The following PDE8A variants were observed in gnomAD, a reference collection of about 807,000 sequenced individuals.
The protein encoded by PDE8A is high affinity cAMP-specific and IBMX-insensitive 3',5'-cyclic phosphodiesterase 8A.
A neutral mutation model predicts 105.0 loss-of-function variants in PDE8A; 59 were observed. The ratio of observed to expected loss-of-function variants is 0.56; its 90% confidence interval spans 0.46 to 0.70. The LOEUF (loss-of-function observed/expected upper bound fraction) is 0.70. Among genes scored for constraint, PDE8A ranks in the 30% least tolerant of loss-of-function variants. The probability of loss-of-function intolerance (pLI) is 0.00; values close to 1 mark genes in which losing one functional copy is unlikely to be tolerated. For synonymous variants in PDE8A, 355 were observed against 371.9 expected (o/e 0.95, Z 0.52); for missense variants, 1,014 against 1,045.9 (o/e 0.97, Z 0.42).
Position 85,083,577 on chromosome 15 carries a change from A to G in PDE8A, c.568A>G (p.Ile190Val). The stretch of plus-strand genomic sequence containing the variant: ...GTAGAGGTATGTAGAAAACCCCAAC[A>G]TCATGGCCTGCTACAATGAACTGCT... ...FTRRYVENPN[I>V]MACYNELLQL... The change falls in exon 6 of 22, where the codon ATC becomes GTC. Residue 190 changes from isoleucine (I) to valine (V), a missense_variant. Transcript: ENST00000394553. 2 of 1,612,912 alleles carry G rather than the reference A, an allele frequency of 1.2e-6. No individual in the cohort carries two copies. Among genetic ancestry groups the G allele is most frequent in the African/African-American group, 1.3e-5 (1 of 75,042 alleles).
intron 3 of PDE8A, among the ~76,000 whole-genome samples, chr15:85,075,078 G>A: frequency 6.6e-6 from 1 of 152,170 alleles, no homozygotes; most frequent in Non-Finnish European, 1.5e-5. Context: ...CAAAGCTGTT[G>A]CATATCTCCA....
intron 14 of PDE8A, among the ~76,000 whole-genome samples, 175 bp downstream of exon 14, chr15:85,114,212 T>TG (rs1367374527): frequency 2.9e-4 from 44 of 152,188 alleles, no homozygotes; most frequent in African/African-American, 1.1e-3. Context: ...AGCACCCACC[T>TG]GCTGCCTGCC....
At chr15:85,091,877 T>G (rs1353422175) in intron 8 of PDE8A, among the ~76,000 whole-genome samples, 2 of 148,334 alleles carry the variant, frequency 1.3e-5, no homozygotes, top group Non-Finnish European at 3.0e-5. Context: ...CTTTTCACAA[T>G]CATTCATGGT....
Position 85,032,810 on chromosome 15 carries a change from T to A in PDE8A, c.187-31560T>A, listed in dbSNP as rs559055185. On this transcript the variant is annotated intron_variant, in intron 1 of 21. Coordinates refer to ENST00000394553, the MANE Select transcript of PDE8A (RefSeq NM_002605.3). Reference sequence around the variant, plus strand: ...AATATGTGCTTATGTTAATAAGGATTACTTTAGGGTAATGAGATTTCGGGT... The same window carrying A: ...AATATGTGCTTATGTTAATAAGGATAACTTTAGGGTAATGAGATTTCGGGT... Among the ~76,000 whole-genome samples, 3 of 152,354 alleles carry A rather than the reference T, an allele frequency of 2.0e-5. No homozygotes were observed. In the South Asian group the frequency reaches 6.2e-4, roughly 32 times the overall value.
chr15:85,127,385 CT>C (rs1054985163), intron 20 of PDE8A, among the ~76,000 whole-genome samples: 2 of 152,152 alleles, frequency 1.3e-5, no homozygotes, highest in Admixed American at 6.5e-5. Context: ...ACATTTGCTT[CT>C]GTTTGCAGAT....
At chr15:85,002,074 C>T (rs1024372975) in intron 1 of PDE8A, among the ~76,000 whole-genome samples, 1 of 151,990 alleles carries the variant, frequency 6.6e-6, no homozygotes, top group Non-Finnish European at 1.5e-5. Context: ...AAAAAACTCC[C>T]ACACACGTAA....
At chr15:85,017,317 T>C (rs1408470770) in intron 1 of PDE8A, among the ~76,000 whole-genome samples, 2 of 152,132 alleles carry the variant, frequency 1.3e-5, no homozygotes, top group Non-Finnish European at 2.9e-5. Context: ...GTTTCTTATA[T>C]AGCCTGCTAA....
At chr15:84,998,887 A>G (rs1467639565) in intron 1 of PDE8A, among the ~76,000 whole-genome samples, 1 of 152,194 alleles carries the variant, frequency 6.6e-6, no homozygotes, top group Non-Finnish European at 1.5e-5. Context: ...CTATGGAGAT[A>G]ATTGATAGTT....
At chr15:85,125,967 CCAACCCCTAGTG>C (rs1313586021) in intron 19 of PDE8A, among the ~76,000 whole-genome samples, 3 of 152,072 alleles carry the variant, frequency 2.0e-5, no homozygotes, top group African/African-American at 4.8e-5. Context: ...GGCAGATATA[CCAACCCCTAGTG>C]CTACCCTCCA....
chr15:84,988,331 G>C lies in PDE8A; in HGVS notation c.186+5983G>C, dbSNP rs559823264. Among the ~76,000 whole-genome samples, 11 of 152,314 alleles carry C rather than the reference G, an allele frequency of 7.2e-5. No individual in the cohort carries two copies. The East Asian group carries it at 2.1e-3, about 29-fold the overall frequency. On this transcript the variant is annotated intron_variant, in intron 1 of 21. Coordinates refer to ENST00000394553, the MANE Select transcript of PDE8A (RefSeq NM_002605.3). ...ATTTCACAGGACAACTGGGTTTTAA[G>C]CAGGCATCTTGAATCTGCATTATCA... is the stretch of plus-strand genomic sequence containing the variant.
At chr15:85,080,012 A>G (rs1410236515) in intron 5 of PDE8A, among the ~76,000 whole-genome samples, 6 of 152,338 alleles carry the variant, frequency 3.9e-5, no homozygotes, top group South Asian at 4.1e-4. Flanking sequence ...GTACAATTCT[A>G]TAACAGTTAC....
At chr15:85,081,979 C>T (rs76815369) in intron 5 of PDE8A, among the ~76,000 whole-genome samples, 26 of 152,290 alleles carry the variant, frequency 1.7e-4, no homozygotes, top group Admixed American at 9.2e-4. Context: ...GCCCTCACAT[C>T]CCAGAATCTT....
At chr15:85,075,663 A>G (rs1306469006) in intron 3 of PDE8A, among the ~76,000 whole-genome samples, 199 bp from the exon 4 acceptor site, 1 of 152,250 alleles carries the variant, frequency 6.6e-6, no homozygotes, top group Non-Finnish European at 1.5e-5. Context: ...TACAGTTAAC[A>G]CAGTCCACTG....
chr15:85,011,582 T>C (rs2080239762), intron 1 of PDE8A, among the ~76,000 whole-genome samples: 1 of 152,116 alleles, frequency 6.6e-6, no homozygotes, highest in Non-Finnish European at 1.5e-5. Context: ...GTTAGAAAAA[T>C]AATGGTTTTC....
At chr15:85,068,581 A>G (rs979137531) in intron 3 of PDE8A, among the ~76,000 whole-genome samples, 1 of 142,618 alleles carries the variant, frequency 7.0e-6, no homozygotes, top group Non-Finnish European at 1.6e-5. Flanking sequence ...CTAACATTGA[A>G]TAGATACCAC....
intron 3 of PDE8A, among the ~76,000 whole-genome samples, chr15:85,070,008 A>C (rs1266930899): frequency 6.6e-6 from 1 of 152,060 alleles, no homozygotes; most frequent in African/African-American, 2.4e-5. Flanking sequence ...ATGCCCGCCC[A>C]CTTTGGACTG....
chr15:85,115,408 T>C lies in PDE8A; in HGVS notation c.1351-31T>C, dbSNP rs184613325. The stretch of plus-strand genomic sequence containing the variant: ...AGGAAGGAAAGAATAGTTGTGACTT[T>C]TCTTTTTCTTGTTTCCTTGATTTTT... On this transcript the variant is annotated intron_variant, in intron 14 of 21. Transcript: ENST00000394553. The C allele has an allele frequency of 1.6e-4, 239 of 1,470,904 alleles. No homozygotes were observed. The East Asian group carries it at 4.7e-3, about 29-fold the overall frequency. The allele number at this position is 1,470,904 out of a possible 1,614,324, so 91.1% of individuals were successfully genotyped here.
chr15:85,135,429 C>T (rs1328752251), intron 20 of PDE8A, among the ~76,000 whole-genome samples: 4 of 152,016 alleles, frequency 2.6e-5, no homozygotes, highest in African/African-American at 7.2e-5. Context: ...GGCTAGTGTT[C>T]AATACAACAG....
intron 1 of PDE8A, among the ~76,000 whole-genome samples, chr15:84,999,029 ACTT>A (rs972102408): frequency 3.3e-5 from 5 of 151,652 alleles, no homozygotes; most frequent in Non-Finnish European, 7.4e-5. Context: ...TTCTAGTCTG[ACTT>A]CTTGAACTCC....
Sources: gnomAD v4.1 joint callset for allele counts (sites outside exome capture counted in the v4.1 genomes callset) on GRCh38, gnomAD v4.1.1 for gene constraint, MANE v1.5 for transcripts, NCBI Gene and HGNC (gene_info 2026-07-23, HGNC 2026-07-21) for gene names.